Variants in VPS45 observed in about 807,000 individuals in gnomAD.
VPS45 encodes vacuolar protein sorting-associated protein 45.
A neutral mutation model predicts 75.9 loss-of-function variants in VPS45; 35 were observed. The ratio of observed to expected loss-of-function variants is 0.46; its 90% confidence interval spans 0.35 to 0.61. VPS45 has a LOEUF of 0.61. Among genes scored for constraint, VPS45 ranks in the 20% least tolerant of loss-of-function variants. The probability of loss-of-function intolerance (pLI) is 0.00; values close to 1 mark genes in which losing one functional copy is unlikely to be tolerated. For missense variants in VPS45, 559 were observed against 685.9 expected (o/e 0.81, Z 2.07); for synonymous variants, 220 against 238.2 (o/e 0.92, Z 0.70).
chr1:150,068,122 A>G (rs1363715802), intron 1 of VPS45, 172 bp downstream of exon 1: 26 of 639,008 alleles, frequency 4.1e-5, no homozygotes, highest in Non-Finnish European at 6.2e-5. Flanking sequence ...TTCAGTCTAC[A>G]TGGCTCCAGC....
At chr1:150,074,870 A>G (rs1333760254) in intron 3 of VPS45, among the ~76,000 whole-genome samples, 1 of 151,964 alleles carries the variant, frequency 6.6e-6, no homozygotes, top group Non-Finnish European at 1.5e-5. Flanking sequence ...TTCAGTAGGC[A>G]TCTCTAAAAG....
intron 1 of VPS45, 152 bp from the exon 2 acceptor site, chr1:150,068,478 T>C: frequency 1.6e-6 from 1 of 628,680 alleles, no homozygotes; most frequent in Non-Finnish European, 2.4e-6. Flanking sequence ...TTCTCGTATG[T>C]TACCTACCTG....
At position 150,128,146 on chromosome 1, in the gene VPS45, C is replaced by CA. The variant is rs1321517595; in HGVS notation, c.1626-16556dup. Among the ~76,000 whole-genome samples the CA allele has an allele frequency of 6.6e-5, 10 of 151,660 alleles. No homozygotes were observed. In the East Asian group the frequency reaches 1.9e-3, roughly 29 times the overall value. On this transcript the variant is annotated intron_variant, in intron 14 of 14. Transcript: ENST00000644510. Reference sequence around the variant, plus strand: ...TGAGACCCTGTCTCTACCAAAAATACAAAAAAATAGCTGGGCGTGATGGTG... The same window carrying CA: ...TGAGACCCTGTCTCTACCAAAAATACAAAAAAAATAGCTGGGCGTGATGGTG...
rs190896405 is a variant in VPS45 at position 150,091,965 on chromosome 1, A to G, written c.1133A>G (p.Lys378Arg). The change falls in exon 11 of 15, where the codon AAA becomes AGA. Residue 378 changes from lysine (K) to arginine (R), a missense_variant. Coordinates refer to ENST00000644510, the MANE Select transcript of VPS45 (RefSeq NM_007259.5). ...ATAAAAAGGCTTCTGCAGAACCCCA[A>G]AGTGACAGAGTTTGATGCTGCCCGC... ...QNIKRLLQNP[K>R]VTEFDAARLV... 12 of 1,613,974 alleles carry G rather than the reference A, an allele frequency of 7.4e-6. No homozygotes were observed. The Admixed American group carries it at 1.0e-4, about 13-fold the overall frequency.
intron 13 of VPS45, among the ~76,000 whole-genome samples, chr1:150,094,522 T>G (rs1553802679): frequency 7.3e-6 from 1 of 136,530 alleles, no homozygotes; most frequent in Non-Finnish European, 1.5e-5. Context: ...AAAAAATTTT[T>G]TTCTGTAATT....
At chr1:150,082,311 A>T (rs187826714) in intron 9 of VPS45, among the ~76,000 whole-genome samples, 4 of 152,296 alleles carry the variant, frequency 2.6e-5, no homozygotes, top group African/African-American at 9.6e-5. Flanking sequence ...GTTCAAGACC[A>T]GCCTGACCAA....
chr1:150,139,718 T>C (rs1169262297), intron 14 of VPS45, among the ~76,000 whole-genome samples: 1 of 152,134 alleles, frequency 6.6e-6, no homozygotes, highest in Non-Finnish European at 1.5e-5. Flanking sequence ...AATGCTTGGC[T>C]AATTTTTAAA....
intron 14 of VPS45, among the ~76,000 whole-genome samples, chr1:150,120,353 T>G (rs1658171593): frequency 6.6e-6 from 1 of 152,154 alleles, no homozygotes; most frequent in African/African-American, 2.4e-5. Flanking sequence ...TACTGTAAAT[T>G]GAAACAAAAT....
intron 13 of VPS45, among the ~76,000 whole-genome samples, chr1:150,107,073 T>G (rs1657368240): frequency 6.6e-6 from 1 of 152,230 alleles, no homozygotes; most frequent in Admixed American, 6.5e-5. Flanking sequence ...TTGCTAATGC[T>G]GGCTACTCTT....
chr1:150,104,387 A>G (rs587657124), intron 13 of VPS45, among the ~76,000 whole-genome samples: 54 of 152,278 alleles, frequency 3.5e-4, no homozygotes, highest in African/African-American at 1.3e-3. Context: ...GTGTATATAT[A>G]CCACATTTTC....
chr1:150,101,793 C>G (rs1657029793), intron 13 of VPS45, among the ~76,000 whole-genome samples: 2 of 151,498 alleles, frequency 1.3e-5, no homozygotes, highest in Admixed American at 1.3e-4. Flanking sequence ...AAAGGGAACA[C>G]TTGTATGCTG....
At chr1:150,081,673 C>T (rs587604112) in intron 8 of VPS45, among the ~76,000 whole-genome samples, 197 bp downstream of exon 8, 3 of 152,202 alleles carry the variant, frequency 2.0e-5, no homozygotes, top group East Asian at 1.9e-4. Flanking sequence ...ATAGAGATCA[C>T]GTAGTTATTT....
At chr1:150,096,616 G>A (rs587766864) in intron 13 of VPS45, among the ~76,000 whole-genome samples, 1 of 152,270 alleles carries the variant, frequency 6.6e-6, no homozygotes, top group East Asian at 1.9e-4. Context: ...ATAAGCCAGA[G>A]CTAAAGTCTT....
chr1:150,072,068 T>G, intron 2 of VPS45, 98 bp from the exon 3 acceptor site: 1 of 981,112 alleles, frequency 1.0e-6, no homozygotes, highest in Non-Finnish European at 1.5e-6. Flanking sequence ...CAATATGCAG[T>G]AGACGCAGTA....
chr1:150,092,005 T>C lies in VPS45; in HGVS notation c.1173T>C (p.Tyr391=), dbSNP rs1656349003. ...EFDAARLVML[Y]ALHYERHSSN... ...ATGCTGCCCGCCTGGTGATGCTTTA[T>C]GCTTTACATTATGAGCGACACAGCA... Residue 391 remains tyrosine, a synonymous_variant, in exon 11 of 15, where the codon TAT becomes TAC. Coordinates refer to ENST00000644510, the MANE Select transcript of VPS45 (RefSeq NM_007259.5). The C allele has an allele frequency of 1.2e-6, 2 of 1,614,144 alleles. No homozygotes were observed. The highest frequency in any genetic ancestry group is 1.7e-6 in the Non-Finnish European group (2 of 1,180,018).
intron 14 of VPS45, among the ~76,000 whole-genome samples, chr1:150,130,194 C>T (rs1459861121): frequency 2.4e-5 from 2 of 84,050 alleles, no homozygotes; most frequent in African/African-American, 1.0e-4. Context: ...AATACACACA[C>T]ACACTTTTTT....
At chr1:150,090,369 A>G (rs1392382073) in intron 10 of VPS45, among the ~76,000 whole-genome samples, 1 of 152,110 alleles carries the variant, frequency 6.6e-6, no homozygotes, top group East Asian at 1.9e-4. Context: ...CCTCTTTTGC[A>G]CTGATTTTCA....
chr1:150,085,241 T>C (rs1483891923), intron 10 of VPS45, among the ~76,000 whole-genome samples: 1 of 152,138 alleles, frequency 6.6e-6, no homozygotes, highest in Non-Finnish European at 1.5e-5. Context: ...AAATTTCTTA[T>C]ATTTCTTTAT....
chr1:150,143,078 T>G (rs1259156467), intron 14 of VPS45: 4 of 230,750 alleles, frequency 1.7e-5, no homozygotes, highest in African/African-American at 6.9e-5. Flanking sequence ...TGAGTAAGAC[T>G]TCCCCCTACC....
Sources: gnomAD v4.1 joint callset for allele counts (sites outside exome capture counted in the v4.1 genomes callset) on GRCh38, gnomAD v4.1.1 for gene constraint, MANE v1.5 for transcripts, NCBI Gene and HGNC (gene_info 2026-07-23, HGNC 2026-07-21) for gene names.